The following FCHSD2 variants were observed in gnomAD, a reference collection of about 807,000 sequenced individuals.
The protein encoded by FCHSD2 is F-BAR and double SH3 domains protein 2.
In FCHSD2, 38 loss-of-function variants were observed where a neutral mutation model predicts 108.1. The ratio of observed to expected loss-of-function variants is 0.35; its 90% confidence interval spans 0.27 to 0.46. The LOEUF (loss-of-function observed/expected upper bound fraction) is 0.46. FCHSD2 is among the 20% of genes least tolerant of loss of function. FCHSD2 has a pLI of 1.00. For synonymous variants in FCHSD2, 279 were observed against 314.7 expected, an observed-to-expected ratio of 0.89 and a Z score of 1.20; for missense variants, 751 against 897.8, an observed-to-expected ratio of 0.84 and a Z score of 2.09.
At position 72,940,980 on chromosome 11, in the gene FCHSD2, G is replaced by A. The variant is rs2135341728; in HGVS notation, c.706-19030C>T. The A allele has an allele frequency of 1.2e-5, 9 of 751,072 alleles. 1 individual carries two copies. The South Asian group carries it at 1.2e-4, about 10-fold the overall frequency. The allele number at this position is 751,072 out of a possible 1,614,324, so 46.5% of individuals were successfully genotyped here. On this transcript the variant is annotated intron_variant, in intron 8 of 19. Coordinates refer to ENST00000409418, the MANE Select transcript of FCHSD2 (RefSeq NM_014824.3). ...AAGCAGTCTATAAGCACAGGGAGATGTGTGGGCTGACATCTACAGGCCGAA... is the reference window on the plus strand; with the variant it reads ...AAGCAGTCTATAAGCACAGGGAGATATGTGGGCTGACATCTACAGGCCGAA...
chr11:73,016,197 G>A (rs1055389119), intron 3 of FCHSD2, among the ~76,000 whole-genome samples: 2 of 151,926 alleles, frequency 1.3e-5, no homozygotes, highest in Non-Finnish European at 2.9e-5. Context: ...CAGCTACTTG[G>A]GAGGCTGAGG....
rs555121342 is a variant in FCHSD2, at chr11:73,104,662, G to A, written c.120-20922C>T. 7.2e-4 allele frequency among the ~76,000 whole-genome samples: 110 copies of A among 152,122 alleles called. No individual in the cohort carries two copies. The Middle Eastern group carries it at 0.01, about 14-fold the overall frequency. On this transcript the variant is annotated intron_variant, in intron 2 of 19. Transcript: ENST00000409418. ...CATCTCACTGCAACCTTCACCTCCCGGGTTCAAGCCATTCTCCTGCCTCAG... is the reference window on the plus strand; with the variant it reads ...CATCTCACTGCAACCTTCACCTCCCAGGTTCAAGCCATTCTCCTGCCTCAG...
intron 3 of FCHSD2, among the ~76,000 whole-genome samples, chr11:73,043,733 G>C (rs1002409136): frequency 4.6e-5 from 7 of 152,302 alleles, no homozygotes; most frequent in South Asian, 4.1e-4. Context: ...GAAATATTAA[G>C]AGATATGATA....
chr11:73,141,417 C>A (rs187904527), intron 1 of FCHSD2: 21 of 176,120 alleles, frequency 1.2e-4, no homozygotes, highest in Admixed American at 3.8e-4. Context: ...ACAAATCCCC[C>A]GCAAATTTGC....
intron 3 of FCHSD2, among the ~76,000 whole-genome samples, chr11:73,081,509 A>T (rs749185922): frequency 6.6e-6 from 1 of 152,158 alleles, no homozygotes; most frequent in Non-Finnish European, 1.5e-5. Flanking sequence ...AAAAATTTTT[A>T]AAGCATATCA....
chr11:72,893,465 C>A (rs564177692), intron 10 of FCHSD2, among the ~76,000 whole-genome samples: 1 of 152,132 alleles, frequency 6.6e-6, no homozygotes, highest in Admixed American at 6.5e-5. Context: ...ACAGCATATG[C>A]CATCACACGC....
At chr11:72,938,110 C>A (rs560327115) in intron 8 of FCHSD2, among the ~76,000 whole-genome samples, 1 of 151,614 alleles carries the variant, frequency 6.6e-6, no homozygotes, top group South Asian at 2.1e-4. Context: ...AATTTAGTTA[C>A]CTGAGGTAAA....
At chr11:72,980,034 G>A (rs937889978) in intron 8 of FCHSD2, among the ~76,000 whole-genome samples, 3 of 152,176 alleles carry the variant, frequency 2.0e-5, no homozygotes, top group Non-Finnish European at 4.4e-5. Flanking sequence ...AAGCTGAGGT[G>A]AAAAGATCAC....
chr11:73,036,342 G>A (rs1675164047), intron 3 of FCHSD2, among the ~76,000 whole-genome samples: 1 of 151,070 alleles, frequency 6.6e-6, no homozygotes, highest in Admixed American at 6.6e-5. Context: ...AAAAACCCAA[G>A]CTTCATAATC....
At chr11:73,029,500 C>T (rs1298469405) in intron 3 of FCHSD2, among the ~76,000 whole-genome samples, 1 of 152,160 alleles carries the variant, frequency 6.6e-6, no homozygotes, top group Non-Finnish European at 1.5e-5. Flanking sequence ...TGGCAGGCAG[C>T]CATGCATATG....
At chr11:73,061,726 A>C (rs535175487) in intron 3 of FCHSD2, among the ~76,000 whole-genome samples, 1 of 152,288 alleles carries the variant, frequency 6.6e-6, no homozygotes, top group East Asian at 1.9e-4. Context: ...AGCCCACTGC[A>C]GCTCAGCAAG....
intron 5 of FCHSD2, 112 bp from the exon 6 acceptor site, chr11:72,989,209 G>A: frequency 1.3e-6 from 1 of 751,312 alleles, no homozygotes; most frequent in Non-Finnish European, 2.1e-6. Flanking sequence ...CAGGGGAAAA[G>A]TCAGTACGTT....
intron 3 of FCHSD2, among the ~76,000 whole-genome samples, chr11:73,050,807 C>T (rs767363581): frequency 2.0e-5 from 3 of 152,102 alleles, no homozygotes; most frequent in African/African-American, 4.8e-5. Context: ...TTAAGTTTTA[C>T]CAAAGGCCGA....
chr11:73,120,697 C>T (rs865917015), intron 2 of FCHSD2, among the ~76,000 whole-genome samples: 2 of 151,854 alleles, frequency 1.3e-5, no homozygotes, highest in Non-Finnish European at 2.9e-5. Context: ...CCACTGCACT[C>T]CAGCCTGGGC....
intron 5 of FCHSD2, among the ~76,000 whole-genome samples, chr11:72,992,115 A>G (rs1266622473): frequency 1.3e-5 from 2 of 152,200 alleles, no homozygotes; most frequent in South Asian, 2.1e-4. Flanking sequence ...TTATACACCA[A>G]TAACAGACAA....
intron 8 of FCHSD2, among the ~76,000 whole-genome samples, chr11:72,951,240 G>A (rs1431459270): frequency 1.3e-5 from 2 of 152,172 alleles, no homozygotes; most frequent in African/African-American, 4.8e-5. Flanking sequence ...TACAGGATTA[G>A]TATCTGGTGT....
At chr11:72,858,704 A>AC (rs1041823514) in intron 13 of FCHSD2, among the ~76,000 whole-genome samples, 1 of 151,762 alleles carries the variant, frequency 6.6e-6, no homozygotes, top group Non-Finnish European at 1.5e-5. Flanking sequence ...AATCTGTACA[A>AC]CCCCCCCATG....
chr11:72,870,341 C>T (rs1174302734), intron 12 of FCHSD2, among the ~76,000 whole-genome samples: 1 of 152,024 alleles, frequency 6.6e-6, no homozygotes, highest in Non-Finnish European at 1.5e-5. Flanking sequence ...CTTTAAGACT[C>T]GAGCATTGAC....
intron 3 of FCHSD2, among the ~76,000 whole-genome samples, chr11:73,064,003 C>T (rs1859230375): frequency 6.6e-6 from 1 of 152,198 alleles, no homozygotes; most frequent in Non-Finnish European, 1.5e-5. Flanking sequence ...CTTAGCACCA[C>T]ATCACACTTA....
Sources: gnomAD v4.1 joint callset for allele counts (sites outside exome capture counted in the v4.1 genomes callset) on GRCh38, gnomAD v4.1.1 for gene constraint, MANE v1.5 for transcripts, NCBI Gene and HGNC (gene_info 2026-07-23, HGNC 2026-07-21) for gene names.